STXBP5: variants seen among roughly 807,000 people sequenced by gnomAD.
STXBP5 encodes syntaxin-binding protein 5.
In STXBP5, 50 loss-of-function variants were observed where a neutral mutation model predicts 152.4. The observed-to-expected ratio is 0.33, with a 90% confidence interval of 0.26 to 0.42. The LOEUF (loss-of-function observed/expected upper bound fraction) is 0.42, where lower values mean the gene tolerates loss of function less well. Ranked by LOEUF, STXBP5 falls within the 10% of genes least tolerant of loss-of-function variation. STXBP5 has a pLI of 1.00. For synonymous variants in STXBP5, 492 were observed against 494.7 expected (o/e 0.99, Z 0.07); for missense variants, 1,167 against 1,388.6 (o/e 0.84, Z 2.54).
intron 4 of STXBP5, among the ~76,000 whole-genome samples, chr6:147,245,824 AG>A (rs1778783602): frequency 6.6e-6 from 1 of 152,150 alleles, no homozygotes; most frequent in Admixed American, 6.5e-5. Flanking sequence ...CTATAAGCCA[AG>A]GAATGCAAAG....
chr6:147,319,142 A>G (rs1172957185), intron 16 of STXBP5, among the ~76,000 whole-genome samples: 2 of 152,148 alleles, frequency 1.3e-5, no homozygotes, highest in African/African-American at 4.8e-5. Context: ...GTATATTGTT[A>G]TAGTAGACCA....
chr6:147,289,689 C>T (rs989041359), intron 8 of STXBP5, among the ~76,000 whole-genome samples: 1 of 151,264 alleles, frequency 6.6e-6, no homozygotes, highest in Non-Finnish European at 1.5e-5. Flanking sequence ...GATCCAAACA[C>T]ATCAGATTAA....
At position 147,205,925 on chromosome 6, in the gene STXBP5, T is replaced by G. The variant is rs1776531210; in HGVS notation, c.151-46T>G. On this transcript the variant is annotated intron_variant, in intron 1 of 27. Coordinates refer to ENST00000321680, the MANE Select transcript of STXBP5 (RefSeq NM_001127715.4). ...CTCTATTGACTTTCTATTTTAAAAT[T>G]TCGCTTGCTGCCTTGGTTGCTGTGA... 2.0e-6 allele frequency: 3 copies of G among 1,480,524 alleles called. No homozygotes were observed. In the South Asian group the frequency reaches 3.5e-5, roughly 17 times the overall value. The allele number at this position is 1,480,524 out of a possible 1,614,324, so 91.7% of individuals were successfully genotyped here. A position where few individuals can be genotyped will look rare whatever the true frequency, so the allele number is the denominator to read the frequency against.
chr6:147,357,567 G>T (rs1720284623), intron 22 of STXBP5, among the ~76,000 whole-genome samples: 2 of 152,120 alleles, frequency 1.3e-5, no homozygotes, highest in Non-Finnish European at 2.9e-5. Context: ...TAATTATGTT[G>T]TGTTAGTAGT....
At position 147,363,320 on chromosome 6, in the gene STXBP5, A is replaced by C; in HGVS notation, c.2546-15A>C. Reference sequence around the variant, plus strand: ...TTAAAATATTTCAGTTATTTACTAGACTTCTATATTTTAGGTACTATATTG... The same window carrying C: ...TTAAAATATTTCAGTTATTTACTAGCCTTCTATATTTTAGGTACTATATTG... On this transcript the variant is annotated splice_polypyrimidine_tract_variant and intron_variant, in intron 23 of 27. Transcript: ENST00000321680. 6.5e-7 allele frequency: 1 copy of C among 1,544,948 alleles called. No homozygotes were observed. Among genetic ancestry groups the C allele is most frequent in the South Asian group, 1.3e-5 (1 of 79,042 alleles).
At chr6:147,224,778 A>C (rs1425697981) in intron 2 of STXBP5, among the ~76,000 whole-genome samples, 2 of 152,158 alleles carry the variant, frequency 1.3e-5, no homozygotes, top group East Asian at 3.8e-4. Flanking sequence ...AATTGTTTTT[A>C]TGTTCACACA....
At chr6:147,308,085 T>C (rs1410099169) in intron 9 of STXBP5, among the ~76,000 whole-genome samples, 1 of 152,216 alleles carries the variant, frequency 6.6e-6, no homozygotes, top group Non-Finnish European at 1.5e-5. Flanking sequence ...AATACCTGGC[T>C]CAAGTCTTCC....
At chr6:147,260,459 G>A (rs1779589092) in intron 4 of STXBP5, among the ~76,000 whole-genome samples, 156 bp from the exon 5 acceptor site, 3 of 152,026 alleles carry the variant, frequency 2.0e-5, no homozygotes, top group Non-Finnish European at 4.4e-5. Flanking sequence ...AGCTGAATTA[G>A]CATAATTAAA....
At chr6:147,275,763 T>G (rs1472470789) in intron 7 of STXBP5, among the ~76,000 whole-genome samples, 2 of 151,956 alleles carry the variant, frequency 1.3e-5, no homozygotes, top group Non-Finnish European at 2.9e-5. Context: ...TTCACCGTGT[T>G]AGCCAGGATG....
intron 19 of STXBP5, among the ~76,000 whole-genome samples, chr6:147,334,497 A>T (rs2128393725): frequency 6.6e-6 from 1 of 152,266 alleles, no homozygotes; most frequent in African/African-American, 2.4e-5. Context: ...TAGAGAAAAT[A>T]TATTTTACTC....
intron 19 of STXBP5, 96 bp from the exon 20 acceptor site, chr6:147,339,083 A>T: frequency 9.4e-7 from 1 of 1,067,758 alleles, no homozygotes; most frequent in Non-Finnish European, 1.3e-6. Flanking sequence ...TTGTTTTGAA[A>T]GTTACCAGAT....
intron 22 of STXBP5, among the ~76,000 whole-genome samples, chr6:147,354,281 G>C (rs910355457): frequency 6.6e-6 from 1 of 152,216 alleles, no homozygotes; most frequent in Middle Eastern, 3.4e-3. Flanking sequence ...CAGTTATGCT[G>C]ATAGAAAGCA....
In STXBP5 at chr6:147,300,691, G is replaced by A. The variant is rs183541188; in HGVS notation, c.918-9393G>A. On this transcript the variant is annotated intron_variant, in intron 9 of 27. Transcript: ENST00000321680. ...AAAGACTTAAATGTAAGACCTGAAA[G>A]TATGAAACTACTGGAAGAATACATG... 3.9e-5 allele frequency among the ~76,000 whole-genome samples: 6 copies of A among 152,162 alleles called. No individual in the cohort carries two copies. The East Asian group carries it at 1.2e-3, about 29-fold the overall frequency.
chr6:147,268,792 T>A (rs1422296242), intron 7 of STXBP5, among the ~76,000 whole-genome samples: 1 of 152,178 alleles, frequency 6.6e-6, no homozygotes. Flanking sequence ...CTGGACAGGA[T>A]ATATTGAACA....
chr6:147,337,987 A>T (rs1783912894), intron 19 of STXBP5, among the ~76,000 whole-genome samples: 1 of 152,116 alleles, frequency 6.6e-6, no homozygotes, highest in African/African-American at 2.4e-5. Context: ...GAGAAGTACA[A>T]TTTTATTGGA....
At chr6:147,343,702 T>C (rs1784192123) in intron 21 of STXBP5, among the ~76,000 whole-genome samples, 1 of 152,196 alleles carries the variant, frequency 6.6e-6, no homozygotes, top group Non-Finnish European at 1.5e-5. Flanking sequence ...AAAAATAAAT[T>C]CACAAAGGTT....
chr6:147,351,179 C>A (rs1482432082), intron 21 of STXBP5, among the ~76,000 whole-genome samples: 1 of 152,200 alleles, frequency 6.6e-6, no homozygotes, highest in Non-Finnish European at 1.5e-5. Context: ...CTCCTGGGAG[C>A]TCATTGGAAA....
intron 9 of STXBP5, among the ~76,000 whole-genome samples, chr6:147,305,485 C>T (rs528515966): frequency 3.2e-4 from 48 of 152,036 alleles, no homozygotes; most frequent in Admixed American, 9.8e-4. Context: ...TAATATTTTT[C>T]GAGTGTCCAC....
intron 7 of STXBP5, among the ~76,000 whole-genome samples, chr6:147,270,689 G>A (rs1256486251): frequency 6.6e-6 from 1 of 152,078 alleles, no homozygotes; most frequent in Non-Finnish European, 1.5e-5. Flanking sequence ...TCAAAAGAAT[G>A]AAAGACTCCA....
Sources: gnomAD v4.1 joint callset for allele counts (sites outside exome capture counted in the v4.1 genomes callset) on GRCh38, gnomAD v4.1.1 for gene constraint, MANE v1.5 for transcripts, NCBI Gene and HGNC (gene_info 2026-07-23, HGNC 2026-07-21) for gene names.